PIP5K1B: variants seen among roughly 807,000 people sequenced by gnomAD.
PIP5K1B encodes phosphatidylinositol 4-phosphate 5-kinase type-1 beta.
Under a neutral mutation model 67.0 loss-of-function variants are expected in PIP5K1B, and 42 were observed. That is an observed-to-expected ratio of 0.63 (90% CI 0.49 to 0.81). PIP5K1B has a LOEUF of 0.81. Ranked by LOEUF, PIP5K1B falls within the 30% of genes least tolerant of loss-of-function variation. PIP5K1B has a pLI of 0.00. For synonymous variants in PIP5K1B, 214 were observed against 231.4 expected (o/e 0.92, Z 0.68); for missense variants, 459 against 646.3 (o/e 0.71, Z 3.14).
intron 2 of PIP5K1B, among the ~76,000 whole-genome samples, chr9:68,799,990 G>A (rs1361236941): frequency 6.6e-6 from 1 of 151,966 alleles, no homozygotes; most frequent in East Asian, 1.9e-4. Flanking sequence ...ATCTGAAAAG[G>A]GGTTAATATT....
chr9:68,780,834 A>G (rs1831222405), intron 2 of PIP5K1B: 2 of 1,614,028 alleles, frequency 1.2e-6, no homozygotes. Flanking sequence ...CATCACCAAC[A>G]TGCTTTCTTC....
intron 2 of PIP5K1B, chr9:68,780,987 G>A: frequency 2.5e-6 from 4 of 1,614,102 alleles, no homozygotes; most frequent in Non-Finnish European, 3.4e-6. Flanking sequence ...TGCCCAAGCG[G>A]CTTCTCCATT....
chr9:68,787,363 G>C (rs1272451827), intron 2 of PIP5K1B, among the ~76,000 whole-genome samples: 5 of 152,196 alleles, frequency 3.3e-5, no homozygotes, highest in Non-Finnish European at 1.5e-5. Context: ...CATGTCAATA[G>C]TGGACTCGAA....
intron 14 of PIP5K1B, 39 bp from the exon 15 acceptor site, chr9:68,991,101 T>TGGG (rs1269351463): frequency 8.6e-7 from 1 of 1,164,812 alleles, no homozygotes; most frequent in African/African-American, 1.5e-5. Context: ...GATTTTGTTC[T>TGGG]GGGGGCCTCA....
At chr9:68,958,421 T>C (rs1195371568) in intron 14 of PIP5K1B, among the ~76,000 whole-genome samples, 1 of 152,168 alleles carries the variant, frequency 6.6e-6, no homozygotes, top group Admixed American at 6.5e-5. Context: ...CTCTTTAAAA[T>C]ACCACCCACC....
intron 1 of PIP5K1B, among the ~76,000 whole-genome samples, chr9:68,719,172 C>CT (rs1331751513): frequency 2.0e-5 from 3 of 152,026 alleles, no homozygotes; most frequent in Non-Finnish European, 4.4e-5. Context: ...GGCATGCTTT[C>CT]TTTTTTCTTT....
intron 13 of PIP5K1B, among the ~76,000 whole-genome samples, chr9:68,935,329 G>A (rs143505098): frequency 9.2e-5 from 14 of 152,134 alleles, no homozygotes; most frequent in Admixed American, 1.3e-4. Flanking sequence ...TTAGTCAGGC[G>A]TGATAGCGGG....
chr9:68,969,334 C>G (rs951843914), intron 14 of PIP5K1B, among the ~76,000 whole-genome samples: 4 of 142,686 alleles, frequency 2.8e-5, no homozygotes, highest in African/African-American at 7.8e-5. Flanking sequence ...CGCCACTGCA[C>G]TCCAGCCTGG....
At chr9:68,778,440 C>T (rs2132445182) in intron 2 of PIP5K1B, among the ~76,000 whole-genome samples, 1 of 152,302 alleles carries the variant, frequency 6.6e-6, no homozygotes, top group South Asian at 2.1e-4. Context: ...ACTACCATCT[C>T]ACCAGTTTAA....
chr9:68,805,378 T>C (rs1439092435), intron 2 of PIP5K1B, among the ~76,000 whole-genome samples: 1 of 152,234 alleles, frequency 6.6e-6, no homozygotes, highest in African/African-American at 2.4e-5. Flanking sequence ...GGGTCCACTC[T>C]GTCCTGTGGT....
intron 12 of PIP5K1B, among the ~76,000 whole-genome samples, chr9:68,924,465 A>G (rs1826580994): frequency 6.6e-6 from 1 of 151,408 alleles, no homozygotes; most frequent in Non-Finnish European, 1.5e-5. Context: ...CTAACTTTAA[A>G]CCTTGAATAA....
intron 2 of PIP5K1B, among the ~76,000 whole-genome samples, chr9:68,779,880 T>C (rs1349201093): frequency 6.6e-6 from 1 of 152,262 alleles, no homozygotes; most frequent in Non-Finnish European, 1.5e-5. Context: ...TTGACATGCG[T>C]CAACGCGAGC....
intron 14 of PIP5K1B, among the ~76,000 whole-genome samples, chr9:68,949,401 C>A (rs563209539): frequency 6.6e-6 from 1 of 152,304 alleles, no homozygotes; most frequent in East Asian, 1.9e-4. Context: ...TATAAAAGTT[C>A]TTTGGAAATA....
At chr9:69,002,775 G>T (rs1830880703) in intron 15 of PIP5K1B, among the ~76,000 whole-genome samples, 1 of 152,076 alleles carries the variant, frequency 6.6e-6, no homozygotes, top group African/African-American at 2.4e-5. Flanking sequence ...TTAAGTCCAG[G>T]AGTTCAAGAC....
In PIP5K1B at chr9:68,940,859, C is replaced by G; in HGVS notation, c.1502+69C>G. On this transcript the variant is annotated intron_variant, in intron 14 of 15. Transcript: ENST00000265382. ...ATCAACATCAGGCCTGAACCAGTAT[C>G]TCTGAATGAGGACACGTCTCTAACA... is the stretch of plus-strand genomic sequence containing the variant. 3 of 1,411,692 alleles carry G rather than the reference C, an allele frequency of 2.1e-6. No homozygotes were observed. In the South Asian group the frequency reaches 3.5e-5, roughly 17 times the overall value. The allele number at this position is 1,411,692 out of a possible 1,614,324, so 87.4% of individuals were successfully genotyped here.
At chr9:68,917,850 G>A in intron 9 of PIP5K1B, 91 bp downstream of exon 9, 3 of 908,686 alleles carry the variant, frequency 3.3e-6, no homozygotes, top group Non-Finnish European at 5.3e-6. Context: ...CTTAGGGTGG[G>A]ACTCTAGGAA....
At chr9:68,717,314 AC>A (rs570438906) in intron 1 of PIP5K1B, among the ~76,000 whole-genome samples, 27 of 152,180 alleles carry the variant, frequency 1.8e-4, no homozygotes, top group Non-Finnish European at 2.6e-4. Flanking sequence ...TCCTATAAAA[AC>A]TGGTTAATAT....
intron 2 of PIP5K1B, among the ~76,000 whole-genome samples, chr9:68,801,780 G>A (rs1832615311): frequency 6.6e-6 from 1 of 152,188 alleles, no homozygotes; most frequent in African/African-American, 2.4e-5. Flanking sequence ...ATTTAGAGTG[G>A]CCACCACACG....
chr9:68,828,826 G>C (rs1184893629), intron 4 of PIP5K1B, among the ~76,000 whole-genome samples: 1 of 152,212 alleles, frequency 6.6e-6, no homozygotes. Flanking sequence ...CTATGGCTGG[G>C]CACGGTGGAT....
Sources: allele counts gnomAD v4.1 joint callset (sites outside exome capture counted in the v4.1 genomes callset), GRCh38; gene constraint gnomAD v4.1.1; transcripts MANE v1.5; gene names NCBI Gene and HGNC (gene_info 2026-07-23, HGNC 2026-07-21).